Variants in PRRG1 observed in about 807,000 individuals in gnomAD.
PRRG1 encodes the protein transmembrane gamma-carboxyglutamic acid protein 1.
A neutral mutation model predicts 11.8 loss-of-function variants in PRRG1; 5 were observed. The ratio of observed to expected loss-of-function variants is 0.42; its 90% CI spans 0.22 to 0.89. The LOEUF is 0.89. PRRG1 is among the 40% of genes least tolerant of loss of function. The pLI is 0.28. For missense variants in PRRG1, 155 were observed against 166.1 expected (o/e 0.93, Z 0.37); for synonymous variants, 66 against 60.4 (o/e 1.09, Z -0.43).
At chrX:37,409,256 G>A (rs1246400215) in intron 2 of PRRG1, among the ~76,000 whole-genome samples, 9 of 112,207 alleles carry the variant, frequency 8.0e-5, no homozygotes, top group African/African-American at 2.9e-4. Context: ...GTAAGTGGAA[G>A]TAGATCATCA....
chrX:37,435,725 A>G (rs935781429), intron 3 of PRRG1, among the ~76,000 whole-genome samples: 1 of 111,534 alleles, frequency 9.0e-6, no homozygotes, highest in African/African-American at 3.3e-5. Context: ...AGTCAAGGTC[A>G]TGAAAAAAAA....
At chrX:37,440,675 A>C (rs1932958178) in intron 3 of PRRG1, 1 of 468,299 alleles carries the variant, frequency 2.1e-6, no homozygotes, top group Non-Finnish European at 3.7e-6. Flanking sequence ...GGGATAAATT[A>C]ATAAAAATTA....
At chrX:37,442,747 T>C (rs781992006) in intron 3 of PRRG1, among the ~76,000 whole-genome samples, 1 of 110,887 alleles carries the variant, frequency 9.0e-6, no homozygotes, top group African/African-American at 3.3e-5. Context: ...CAAGGCAGAG[T>C]ACCTCTTTGG....
intron 3 of PRRG1, among the ~76,000 whole-genome samples, chrX:37,438,424 T>G (rs1426067333): frequency 9.4e-6 from 1 of 106,635 alleles, no homozygotes; most frequent in Non-Finnish European, 1.9e-5. Context: ...AAAGCAGAAT[T>G]TTTTCCTTTT....
At chrX:37,430,307 T>A (rs549385575) in intron 3 of PRRG1, among the ~76,000 whole-genome samples, 7 of 112,406 alleles carry the variant, frequency 6.2e-5, no homozygotes, top group African/African-American at 2.3e-4. Flanking sequence ...TATATATGTC[T>A]ATATGTAGAA....
chrX:37,366,880 G>A (rs1386237803), intron 1 of PRRG1, among the ~76,000 whole-genome samples: 4 of 111,211 alleles, frequency 3.6e-5, no homozygotes, highest in Admixed American at 9.5e-5. Flanking sequence ...ACCAAGACCC[G>A]CTCATTGGAA....
chrX:37,417,842 A>C (rs1051005696), intron 2 of PRRG1, among the ~76,000 whole-genome samples: 5 of 112,180 alleles, frequency 4.5e-5, no homozygotes, highest in Admixed American at 1.9e-4. Flanking sequence ...TTAAAAAATA[A>C]AGCTAAGCAC....
chrX:37,454,630 T>C lies in PRRG1; in HGVS notation c.*1009T>C, dbSNP rs1921283683. 8.9e-6 allele frequency: 1 copy of C among 112,034 alleles called. No individual in the cohort carries two copies. Among genetic ancestry groups the C allele is most frequent in the African/African-American group, 3.2e-5 (1 of 30,789 alleles). The allele number at this position is 112,034 out of a possible 1,213,427, so 9.2% of individuals were successfully genotyped here. ...TTTTATATAGGCTGATGTCTTTGCC[T>C]CAAGATTGTTAGGAGGTAATTTTCC... On this transcript the variant is annotated 3_prime_UTR_variant, in exon 4 of 4. Transcript: ENST00000378628.
chrX:37,444,509 G>T (rs1475568775), intron 3 of PRRG1, among the ~76,000 whole-genome samples: 1 of 111,374 alleles, frequency 9.0e-6, no homozygotes, highest in Non-Finnish European at 1.9e-5. Context: ...AACCTCATTG[G>T]GTTGCTGAGA....
At chrX:37,367,561 G>A (rs960375147) in intron 1 of PRRG1, among the ~76,000 whole-genome samples, 14 of 111,327 alleles carry the variant, frequency 1.3e-4, no homozygotes, top group African/African-American at 4.6e-4. Flanking sequence ...TGACCCTTTG[G>A]ATGTCTTTTA....
chrX:37,400,473 A>C (rs1931929217), intron 1 of PRRG1, among the ~76,000 whole-genome samples: 2 of 111,264 alleles, frequency 1.8e-5, no homozygotes, highest in African/African-American at 3.3e-5. Context: ...TCTGGGATGC[A>C]TTCAAAGCAG....
intron 1 of PRRG1, among the ~76,000 whole-genome samples, chrX:37,400,094 A>G (rs1392396219): frequency 4.5e-5 from 5 of 111,491 alleles, no homozygotes; most frequent in African/African-American, 1.6e-4. Context: ...GTTTACAAGG[A>G]TACCCAGGAA....
intron 3 of PRRG1, among the ~76,000 whole-genome samples, chrX:37,428,142 G>A (rs1462283152): frequency 1.8e-5 from 2 of 111,085 alleles, no homozygotes; most frequent in Non-Finnish European, 3.8e-5. Flanking sequence ...TACAATTCAA[G>A]TTGAGATTTG....
intron 1 of PRRG1, among the ~76,000 whole-genome samples, chrX:37,361,934 G>T: frequency 8.9e-6 from 1 of 112,043 alleles, no homozygotes; most frequent in Non-Finnish European, 1.9e-5. Context: ...TGCTGTCGCT[G>T]CAAAAAAGTG....
At chrX:37,356,498 A>G (rs1556366237) in intron 1 of PRRG1, among the ~76,000 whole-genome samples, 2 of 111,146 alleles carry the variant, frequency 1.8e-5, no homozygotes, top group Non-Finnish European at 1.9e-5. Context: ...GAAGGGGTGA[A>G]TAATAAGGCA....
chrX:37,450,236 C>A (rs1436076483), intron 3 of PRRG1, among the ~76,000 whole-genome samples: 1 of 111,898 alleles, frequency 8.9e-6, no homozygotes, highest in Non-Finnish European at 1.9e-5. Context: ...ATCCCAGCTC[C>A]GATGTTCAGA....
In PRRG1 at chrX:37,357,181, T is replaced by C. The variant is rs138878856; in HGVS notation, c.-42+7786T>C. On this transcript the variant is annotated intron_variant, in intron 1 of 3. Transcript: ENST00000378628. ...TATAAAGTATGCGGCTTTTTCATAT[T>C]GGTTTCTTTCACCTAGTAACGTTCA... 3.3e-3 allele frequency among the ~76,000 whole-genome samples: 366 copies of C among 111,536 alleles called. 2 individuals carry two copies. The highest frequency in any genetic ancestry group is 0.011 in the African/African-American group (344 of 30,671).
At chrX:37,390,292 T>C (rs184265609) in intron 1 of PRRG1, among the ~76,000 whole-genome samples, 6 of 111,710 alleles carry the variant, frequency 5.4e-5, no homozygotes, top group South Asian at 3.8e-4. Context: ...TTCCAACATA[T>C]GAATTTTGGA....
intron 3 of PRRG1, among the ~76,000 whole-genome samples, chrX:37,427,394 A>T (rs1453441816): frequency 1.8e-5 from 2 of 112,132 alleles, no homozygotes; most frequent in East Asian, 5.5e-4. Flanking sequence ...AAGGCCACAA[A>T]CATATCCATC....
Sources: gnomAD v4.1 joint callset for allele counts (sites outside exome capture counted in the v4.1 genomes callset) on GRCh38, gnomAD v4.1.1 for gene constraint, MANE v1.5 for transcripts, NCBI Gene and HGNC (gene_info 2026-07-23, HGNC 2026-07-21) for gene names.